Variants in RERE observed in about 807,000 individuals in gnomAD.
RERE encodes the protein arginine-glutamic acid dipeptide repeats protein.
RERE carries 40 observed loss-of-function variants against 146.1 expected under a neutral mutation model. The ratio of observed to expected loss-of-function variants is 0.27; its 90% CI spans 0.21 to 0.36. RERE has a LOEUF of 0.36. Among genes scored for constraint, RERE ranks in the 10% least tolerant of loss-of-function variants. RERE has a pLI of 1.00. For synonymous variants in RERE, 1,003 were observed against 866.0 expected (o/e 1.16, Z -2.78); for missense variants, 1,933 against 2,138.7 (o/e 0.90, Z 1.90).
chr1:8,439,165 T>G (rs1038086428), intron 11 of RERE, among the ~76,000 whole-genome samples: 2 of 152,222 alleles, frequency 1.3e-5, no homozygotes, highest in African/African-American at 4.8e-5. Flanking sequence ...CAGACTTCTC[T>G]CTGTCAAAAA....
At chr1:8,554,054 G>A (rs1557684305) in intron 6 of RERE, among the ~76,000 whole-genome samples, 1 of 152,114 alleles carries the variant, frequency 6.6e-6, no homozygotes, top group Non-Finnish European at 1.5e-5. Context: ...GCACATGCCT[G>A]TAGTCCCAGC....
chr1:8,727,734 C>G (rs139993370), intron 1 of RERE, among the ~76,000 whole-genome samples: 19 of 152,210 alleles, frequency 1.2e-4, no homozygotes, highest in African/African-American at 4.1e-4. Context: ...CCTCGTGATC[C>G]GCCAGCCTCG....
chr1:8,420,296 AAGAG>A lies in RERE; in HGVS notation c.1284+2427_1284+2430del, dbSNP rs555165121. Among the ~76,000 whole-genome samples, 235 of 152,184 alleles carry A rather than the reference AAGAG, an allele frequency of 1.5e-3. 1 individual carries two copies. Among genetic ancestry groups the A allele is most frequent in the African/African-American group, 5.5e-3 (230 of 41,520 alleles). ...AGAGTTAGATCTTGTCTCATTAAAAAAGAGAGAGAGAGAAAGAGAGAGAGAATGT... is the reference window on the plus strand; with the variant it reads ...AGAGTTAGATCTTGTCTCATTAAAAAAGAGAGAGAAAGAGAGAGAGAATGT... On this transcript the variant is annotated intron_variant, in intron 12 of 22. Coordinates refer to ENST00000400908, the MANE Select transcript of RERE (RefSeq NM_001042681.2).
chr1:8,780,837 A>T lies in RERE; in HGVS notation c.-145+36323T>A, dbSNP rs562603701. Reference sequence around the variant, plus strand: ...AGAGAATCTTCCAACTGAAAATCTCAAAGAATTCCCAAGCACCACTTGCCC... The same window carrying T: ...AGAGAATCTTCCAACTGAAAATCTCTAAGAATTCCCAAGCACCACTTGCCC... On this transcript the variant is annotated intron_variant, in intron 1 of 22. Transcript: ENST00000400908. 4.6e-5 allele frequency among the ~76,000 whole-genome samples: 7 copies of T among 152,318 alleles called. No homozygotes were observed. In the East Asian group the frequency reaches 1.2e-3, roughly 25 times the overall value.
intron 11 of RERE, among the ~76,000 whole-genome samples, chr1:8,432,468 G>A (rs1043703159): frequency 5.3e-5 from 8 of 152,040 alleles, no homozygotes; most frequent in Non-Finnish European, 8.8e-5. Context: ...AGCACAGCAC[G>A]AGGCACTGTG....
chr1:8,718,632 G>C (rs1453970383), intron 1 of RERE, among the ~76,000 whole-genome samples: 1 of 152,190 alleles, frequency 6.6e-6, no homozygotes, highest in African/African-American at 2.4e-5. Context: ...GGTACTCTAA[G>C]AGCAGGCAGC....
intron 6 of RERE, among the ~76,000 whole-genome samples, chr1:8,548,569 A>G (rs886189975): frequency 4.1e-4 from 63 of 152,240 alleles, no homozygotes; most frequent in African/African-American, 1.4e-3. Context: ...TGGGTTACAA[A>G]TTCTGAAACT....
At chr1:8,680,672 CATCT>C (rs1638944248) in intron 1 of RERE, among the ~76,000 whole-genome samples, 1 of 152,102 alleles carries the variant, frequency 6.6e-6, no homozygotes, top group Non-Finnish European at 1.5e-5. Context: ...TGAAAAGTAA[CATCT>C]ATGTTTAAAT....
rs184623670 is a variant in RERE, at chr1:8,730,821, G to A, written c.-144-74380C>T. ...TTTATCTGTGAACTGAAGGACTAACGCTGCATGAGTGGTTCTCAACCATTC... is the reference window on the plus strand; with the variant it reads ...TTTATCTGTGAACTGAAGGACTAACACTGCATGAGTGGTTCTCAACCATTC... On this transcript the variant is annotated intron_variant, in intron 1 of 22. Coordinates refer to ENST00000400908, the MANE Select transcript of RERE (RefSeq NM_001042681.2). Among the ~76,000 whole-genome samples, 8 of 152,262 alleles carry A rather than the reference G, an allele frequency of 5.3e-5. No homozygotes were observed. The East Asian group carries it at 1.4e-3, about 26-fold the overall frequency.
chr1:8,397,138 A>T (rs1353420865), intron 12 of RERE, among the ~76,000 whole-genome samples: 1 of 152,230 alleles, frequency 6.6e-6, no homozygotes, highest in Non-Finnish European at 1.5e-5. Flanking sequence ...CTCTGCAACC[A>T]CACTGCCCAA....
At chr1:8,771,805 G>C (rs1369616737) in intron 1 of RERE, among the ~76,000 whole-genome samples, 3 of 150,512 alleles carry the variant, frequency 2.0e-5, no homozygotes, top group Non-Finnish European at 4.4e-5. Flanking sequence ...AGCTACTCGG[G>C]AGGCAGAGGC....
chr1:8,743,540 C>A lies in RERE; in HGVS notation c.-145+73620G>T, dbSNP rs756449895. ...CCTCCCAAAGTGCTGGGATTACAGG[C>A]GTGAACCACCGCACCCAGCCACACT... On this transcript the variant is annotated intron_variant, in intron 1 of 22. Transcript: ENST00000400908. Among the ~76,000 whole-genome samples, 4 of 151,552 alleles carry A rather than the reference C, an allele frequency of 2.6e-5. No individual in the cohort carries two copies. The South Asian group carries it at 8.4e-4, about 32-fold the overall frequency.
chr1:8,515,086 CAG>C (rs1645396151), intron 7 of RERE, among the ~76,000 whole-genome samples: 1 of 152,196 alleles, frequency 6.6e-6, no homozygotes. Context: ...CAAAGCAACA[CAG>C]CACTACACGT....
intron 12 of RERE, among the ~76,000 whole-genome samples, chr1:8,414,050 C>T: frequency 9.4e-6 from 1 of 106,200 alleles, no homozygotes. Flanking sequence ...AGTGAAACTC[C>T]ATCTCAAAAA....
chr1:8,466,127 G>A lies in RERE; in HGVS notation c.1105-104C>T, dbSNP rs1019257999. 3.1e-5 allele frequency: 29 copies of A among 925,348 alleles called. No homozygotes were observed. In the African/African-American group the frequency reaches 4.6e-4, roughly 15 times the overall value. The allele number at this position is 925,348 out of a possible 1,614,324, so 57.3% of individuals were successfully genotyped here. A position where few individuals can be genotyped will look rare whatever the true frequency, so the allele number is the denominator to read the frequency against. ...TTGACTATCTCCCACAGAAGAGTCA[G>A]GAAAGGGGCACTGAGACTCCATCAT... is the stretch of plus-strand genomic sequence containing the variant. On this transcript the variant is annotated intron_variant, in intron 10 of 22. Coordinates refer to ENST00000400908, the MANE Select transcript of RERE (RefSeq NM_001042681.2).
At chr1:8,551,723 C>T (rs1347908968) in intron 6 of RERE, among the ~76,000 whole-genome samples, 1 of 152,170 alleles carries the variant, frequency 6.6e-6, no homozygotes, top group Non-Finnish European at 1.5e-5. Context: ...GATGTGGAAC[C>T]AGATGTGTGT....
At chr1:8,461,867 C>CA (rs1644531645) in intron 11 of RERE, among the ~76,000 whole-genome samples, 1 of 152,032 alleles carries the variant, frequency 6.6e-6, no homozygotes, top group Admixed American at 6.6e-5. Context: ...TTTTTGGAGA[C>CA]AGAGTCTTGC....
chr1:8,428,122 T>C (rs1445863484), intron 11 of RERE, among the ~76,000 whole-genome samples: 1 of 152,168 alleles, frequency 6.6e-6, no homozygotes, highest in Non-Finnish European at 1.5e-5. Flanking sequence ...TCCCAGTGTA[T>C]AGATATTAGA....
chr1:8,638,892 G>C (rs1647138021), intron 2 of RERE, among the ~76,000 whole-genome samples: 1 of 145,594 alleles, frequency 6.9e-6, no homozygotes, highest in African/African-American at 2.6e-5. Context: ...TCTTGCCTCA[G>C]CCTTCTGAGT....
Sources: gnomAD v4.1 joint callset for allele counts (sites outside exome capture counted in the v4.1 genomes callset) on GRCh38, gnomAD v4.1.1 for gene constraint, MANE v1.5 for transcripts, NCBI Gene and HGNC (gene_info 2026-07-23, HGNC 2026-07-21) for gene names.